The following DGKI variants were observed in gnomAD, a reference collection of about 807,000 sequenced individuals.
DGKI encodes DAG kinase iota.
DGKI carries 55 observed loss-of-function variants against 147.5 expected under a neutral mutation model. That is an observed-to-expected ratio of 0.37 (90% CI 0.30 to 0.47). The LOEUF is 0.47. Ranked by LOEUF, DGKI falls within the 20% of genes least tolerant of loss-of-function variation. The pLI is 1.00. For synonymous variants in DGKI, 469 were observed against 477.1 expected (o/e 0.98, Z 0.22); for missense variants, 1,007 against 1,323.8 (o/e 0.76, Z 3.71).
At chr7:137,498,871 A>G (rs1428361737) in intron 21 of DGKI, among the ~76,000 whole-genome samples, 2 of 152,172 alleles carry the variant, frequency 1.3e-5, no homozygotes, top group East Asian at 3.9e-4. Context: ...AAAAATTCAA[A>G]GAAGCCTATT....
At chr7:137,572,222 ATG>A (rs1444205661) in intron 18 of DGKI, among the ~76,000 whole-genome samples, 2 of 152,194 alleles carry the variant, frequency 1.3e-5, no homozygotes, top group Non-Finnish European at 2.9e-5. Flanking sequence ...CTGAGATAAT[ATG>A]TTTATTTTGA....
intron 23 of DGKI, among the ~76,000 whole-genome samples, chr7:137,478,245 A>G (rs78278617): frequency 0.047 from 7,163 of 152,270 alleles, 442 homozygotes; most frequent in East Asian, 0.12. Flanking sequence ...TGGGTTAAAA[A>G]TGGAGCAGGA....
At chr7:137,623,594 C>T in intron 6 of DGKI, 40 bp from the exon 7 acceptor site, 2 of 1,573,156 alleles carry the variant, frequency 1.3e-6, no homozygotes, top group Non-Finnish European at 1.7e-6. Context: ...TTAAAACCAC[C>T]TCAGTTACAG....
intron 6 of DGKI, among the ~76,000 whole-genome samples, chr7:137,644,116 T>C (rs747714406): frequency 3.3e-5 from 5 of 152,210 alleles, no homozygotes; most frequent in Non-Finnish European, 2.9e-5. Flanking sequence ...AAGAGGTTGA[T>C]GGACCCAAGA....
intron 19 of DGKI, among the ~76,000 whole-genome samples, chr7:137,565,895 A>T (rs2128973385): frequency 6.6e-6 from 1 of 152,292 alleles, no homozygotes. Flanking sequence ...TGAATTGAAG[A>T]CTTCTACTTT....
At chr7:137,751,296 A>C (rs1317570284) in intron 1 of DGKI, among the ~76,000 whole-genome samples, 3 of 152,220 alleles carry the variant, frequency 2.0e-5, no homozygotes, top group Non-Finnish European at 4.4e-5. Flanking sequence ...GTTTTATAAA[A>C]ATGTATATTG....
chr7:137,601,260 G>A (rs1300885740), intron 10 of DGKI, among the ~76,000 whole-genome samples: 1 of 150,924 alleles, frequency 6.6e-6, no homozygotes, highest in Non-Finnish European at 1.5e-5. Context: ...GAAAGAGCGA[G>A]ACTCTGTCTC....
At chr7:137,656,638 T>C in intron 3 of DGKI, 98 bp from the exon 4 acceptor site, 2 of 1,057,342 alleles carry the variant, frequency 1.9e-6, no homozygotes, top group Non-Finnish European at 2.8e-6. Context: ...AATACATAAA[T>C]ACAGCAAACA....
intron 2 of DGKI, among the ~76,000 whole-genome samples, chr7:137,684,629 A>G (rs1823353831): frequency 6.6e-6 from 1 of 152,214 alleles, no homozygotes; most frequent in African/African-American, 2.4e-5. Flanking sequence ...AAATAAAGGA[A>G]TGGTGAGAGT....
At chr7:137,486,587 G>A (rs1297991320) in intron 22 of DGKI, among the ~76,000 whole-genome samples, 2 of 152,044 alleles carry the variant, frequency 1.3e-5, no homozygotes, top group Admixed American at 1.3e-4. Context: ...TGTAAAATTT[G>A]TTGACCATCT....
chr7:137,678,663 A>G lies in DGKI; in HGVS notation c.511-11T>C, dbSNP rs761261069. On this transcript the variant is annotated splice_polypyrimidine_tract_variant and intron_variant, in intron 2 of 32. Transcript: ENST00000614521. ...ATTCACGGCATTCTCCTGCAAGGAA[A>G]AGACCCACCTGACATCAATTTTTTT... is the stretch of plus-strand genomic sequence containing the variant. 43 of 1,613,264 alleles carry G rather than the reference A, an allele frequency of 2.7e-5. No individual in the cohort carries two copies. Among genetic ancestry groups the G allele is most frequent in the Non-Finnish European group, 3.6e-5 (43 of 1,179,388 alleles).
At chr7:137,398,106 CT>C (rs1407932575) in intron 30 of DGKI, among the ~76,000 whole-genome samples, 1 of 152,100 alleles carries the variant, frequency 6.6e-6, no homozygotes. Flanking sequence ...TCCAATGAGA[CT>C]TTTTTTCCCC....
At chr7:137,719,923 A>C (rs1794494115) in intron 1 of DGKI, among the ~76,000 whole-genome samples, 1 of 152,202 alleles carries the variant, frequency 6.6e-6, no homozygotes. Context: ...TCATGGCTGC[A>C]CAGATAAGTG....
chr7:137,444,755 G>T (rs1298202487), intron 27 of DGKI, among the ~76,000 whole-genome samples: 1 of 152,112 alleles, frequency 6.6e-6, no homozygotes, highest in Non-Finnish European at 1.5e-5. Flanking sequence ...GATCTCAAAT[G>T]AAAAATCATA....
chr7:137,798,865 A>G (rs572351385), intron 1 of DGKI, among the ~76,000 whole-genome samples: 1 of 152,330 alleles, frequency 6.6e-6, no homozygotes, highest in Admixed American at 6.5e-5. Flanking sequence ...CAATCAATAT[A>G]ATATACCATA....
intron 1 of DGKI, among the ~76,000 whole-genome samples, chr7:137,813,965 C>A (rs527811357): frequency 9.2e-5 from 14 of 152,264 alleles, no homozygotes; most frequent in African/African-American, 2.4e-4. Flanking sequence ...GGAAAACAGG[C>A]TCATAATGAG....
chr7:137,742,731 AAAT>A (rs146973552), intron 1 of DGKI, among the ~76,000 whole-genome samples: 15,536 of 152,190 alleles, frequency 0.1, 1,337 homozygotes, highest in African/African-American at 0.24. Context: ...GGGGGAAAAA[AAAT>A]AAAGTCAGAA....
chr7:137,639,940 C>T (rs954930630), intron 6 of DGKI, among the ~76,000 whole-genome samples: 31 of 152,072 alleles, frequency 2.0e-4, no homozygotes, highest in African/African-American at 7.5e-4. Context: ...TGAATCACCA[C>T]AATCCATGAC....
chr7:137,384,823 C>T lies in DGKI; in HGVS notation c.*6397G>A, dbSNP rs1010735174. 4 of 151,978 alleles carry T rather than the reference C, an allele frequency of 2.6e-5. No individual in the cohort carries two copies. Among genetic ancestry groups the T allele is most frequent in the African/African-American group, 9.7e-5 (4 of 41,386 alleles). The allele number at this position is 151,978 out of a possible 1,614,324, so 9.4% of individuals were successfully genotyped here. A position where few individuals can be genotyped will look rare whatever the true frequency, so the allele number is the denominator to read the frequency against. ...AGGGAAAAGATAATTTCAGTATTTC[C>T]CACTATCAAAGCCTCCCATTTCAGA... On this transcript the variant is annotated 3_prime_UTR_variant, in exon 33 of 33. Transcript: ENST00000614521.
Sources: gnomAD v4.1 joint callset for allele counts (sites outside exome capture counted in the v4.1 genomes callset) on GRCh38, gnomAD v4.1.1 for gene constraint, MANE v1.5 for transcripts, NCBI Gene and HGNC (gene_info 2026-07-23, HGNC 2026-07-21) for gene names.